ASTN1: variants seen among roughly 807,000 people sequenced by gnomAD.
ASTN1 encodes astrotactin-1.
In ASTN1, 41 loss-of-function variants were observed where a neutral mutation model predicts 140.7. The ratio of observed to expected loss-of-function variants is 0.29; its 90% CI spans 0.23 to 0.38. ASTN1 has a LOEUF of 0.38. Ranked by LOEUF, ASTN1 falls within the 10% of genes least tolerant of loss-of-function variation. The pLI is 1.00. For synonymous variants in ASTN1, 640 were observed against 652.2 expected (o/e 0.98, Z 0.29); for missense variants, 1,479 against 1,678.8 (o/e 0.88, Z 2.08).
At chr1:176,981,211 C>CAAAAAAAAAAAA (rs35209486) in intron 8 of ASTN1, among the ~76,000 whole-genome samples, 2 of 24,062 alleles carry the variant, frequency 8.3e-5, no homozygotes, top group African/African-American at 1.1e-4. Context: ...GACTCTGTCT[C>CAAAAAAAAAAAA]AAAAAAAAAA....
chr1:177,155,851 C>A (rs1683211129), intron 1 of ASTN1, among the ~76,000 whole-genome samples: 1 of 152,150 alleles, frequency 6.6e-6, no homozygotes, highest in Non-Finnish European at 1.5e-5. Flanking sequence ...TAGATATATA[C>A]ATATGTTAGT....
intron 17 of ASTN1, among the ~76,000 whole-genome samples, chr1:176,889,120 A>G (rs1158276647): frequency 6.6e-6 from 1 of 152,238 alleles, no homozygotes; most frequent in Admixed American, 6.5e-5. Context: ...ATTTACTATT[A>G]AGTAAAAGGA....
intron 1 of ASTN1, among the ~76,000 whole-genome samples, chr1:177,083,829 C>T (rs1475950584): frequency 6.6e-6 from 1 of 152,174 alleles, no homozygotes; most frequent in East Asian, 1.9e-4. Flanking sequence ...AGTCCTAACA[C>T]CACCTGGCCC....
At chr1:177,152,146 A>G (rs1287717492) in intron 1 of ASTN1, among the ~76,000 whole-genome samples, 1 of 152,170 alleles carries the variant, frequency 6.6e-6, no homozygotes, top group Non-Finnish European at 1.5e-5. Context: ...CAGGGAGAGT[A>G]GGACAATCCA....
intron 16 of ASTN1, among the ~76,000 whole-genome samples, chr1:176,901,192 C>A (rs1426082229): frequency 6.6e-6 from 1 of 152,150 alleles, no homozygotes; most frequent in Non-Finnish European, 1.5e-5. Context: ...AATAGGAATT[C>A]TTCAAAGATA....
At chr1:176,955,361 G>C (rs544446681) in intron 11 of ASTN1, among the ~76,000 whole-genome samples, 32 of 152,144 alleles carry the variant, frequency 2.1e-4, no homozygotes, top group Non-Finnish European at 3.5e-4. Flanking sequence ...TCAAGTTTCT[G>C]ACCTTCTCAG....
intron 17 of ASTN1, among the ~76,000 whole-genome samples, chr1:176,889,142 A>T (rs1669160710): frequency 6.6e-6 from 1 of 152,228 alleles, no homozygotes; most frequent in Non-Finnish European, 1.5e-5. Context: ...AGAAGAATAA[A>T]ATTAGACCAG....
intron 16 of ASTN1, among the ~76,000 whole-genome samples, chr1:176,899,293 T>C (rs1159251237): frequency 1.3e-5 from 2 of 152,184 alleles, no homozygotes; most frequent in Non-Finnish European, 2.9e-5. Context: ...GCCTTAGGCA[T>C]GTATATAGTG....
rs535440139 is a variant in ASTN1 at position 177,069,784 on chromosome 1, G to A, written c.284-8519C>T. 1.1e-3 allele frequency among the ~76,000 whole-genome samples: 171 copies of A among 151,298 alleles called. No homozygotes were observed. In the Middle Eastern group the frequency reaches 0.024, roughly 21 times the overall value. Reference sequence around the variant, plus strand: ...CTGATTTGCTTGTTCCTACCACAGTGTTTCTCTGGATCTTTTCAAACCTCT... The same window carrying A: ...CTGATTTGCTTGTTCCTACCACAGTATTTCTCTGGATCTTTTCAAACCTCT... On this transcript the variant is annotated intron_variant, in intron 1 of 22. Coordinates refer to ENST00000361833, the MANE Select transcript of ASTN1 (RefSeq NM_004319.3).
intron 8 of ASTN1, among the ~76,000 whole-genome samples, chr1:176,978,315 A>G (rs1374191642): frequency 6.6e-6 from 1 of 152,358 alleles, no homozygotes; most frequent in East Asian, 1.9e-4. Flanking sequence ...GAATACAGGA[A>G]GATAGCACCA....
intron 1 of ASTN1, among the ~76,000 whole-genome samples, chr1:177,134,685 G>A (rs1268079763): frequency 6.6e-6 from 1 of 152,126 alleles, no homozygotes. Context: ...TTAAAATATC[G>A]ATTTTTCCTC....
At chr1:177,044,705 A>AG (rs1202694354) in intron 2 of ASTN1, among the ~76,000 whole-genome samples, 1 of 152,234 alleles carries the variant, frequency 6.6e-6, no homozygotes, top group East Asian at 1.9e-4. Flanking sequence ...AAAGGCAGTC[A>AG]GGGGTTCTTG....
chr1:177,097,624 AC>A (rs1434278316), intron 1 of ASTN1, among the ~76,000 whole-genome samples: 6 of 152,196 alleles, frequency 3.9e-5, no homozygotes, highest in African/African-American at 1.4e-4. Context: ...AAGAGGAGGA[AC>A]ATCTTTTGCT....
At chr1:177,151,252 C>T (rs1238813563) in intron 1 of ASTN1, among the ~76,000 whole-genome samples, 1 of 150,906 alleles carries the variant, frequency 6.6e-6, no homozygotes, top group East Asian at 1.9e-4. Context: ...TTTTCAAAAA[C>T]AAAACAAAAA....
intron 8 of ASTN1, among the ~76,000 whole-genome samples, chr1:176,986,452 G>T (rs1455244914): frequency 2.0e-5 from 3 of 152,164 alleles, no homozygotes; most frequent in Admixed American, 1.3e-4. Context: ...CACCTTACAG[G>T]TACAAAGGGA....
chr1:176,891,569 G>A (rs562227000), intron 17 of ASTN1, among the ~76,000 whole-genome samples: 11 of 152,294 alleles, frequency 7.2e-5, no homozygotes, highest in South Asian at 4.1e-4. Context: ...CGAGGCTGGC[G>A]GATCACCTGA....
chr1:176,906,091 C>T (rs981697232), intron 16 of ASTN1, among the ~76,000 whole-genome samples: 2 of 152,332 alleles, frequency 1.3e-5, no homozygotes, highest in African/African-American at 4.8e-5. Flanking sequence ...CATATACCAG[C>T]AGTTGGTTTA....
At chr1:177,105,370 G>A (rs1680501406) in intron 1 of ASTN1, among the ~76,000 whole-genome samples, 2 of 152,066 alleles carry the variant, frequency 1.3e-5, no homozygotes, top group Non-Finnish European at 2.9e-5. Context: ...GAAAACCTTG[G>A]TATGACAATG....
chr1:176,941,418 AG>A (rs1296702128), intron 14 of ASTN1, among the ~76,000 whole-genome samples: 1 of 152,214 alleles, frequency 6.6e-6, no homozygotes, highest in African/African-American at 2.4e-5. Flanking sequence ...AGAGGATTTT[AG>A]GGCTAAAGTC....
Sources: allele counts gnomAD v4.1 joint callset (sites outside exome capture counted in the v4.1 genomes callset), GRCh38; gene constraint gnomAD v4.1.1; transcripts MANE v1.5; gene names NCBI Gene and HGNC (gene_info 2026-07-23, HGNC 2026-07-21).